Variants in EFHC2 observed in about 807,000 individuals in gnomAD.
EFHC2 encodes EF-hand domain containing 2, also known as EF-hand domain-containing family member C2.
Under a neutral mutation model 52.7 loss-of-function variants are expected in EFHC2, and 18 were observed. The observed-to-expected ratio is 0.34, with a 90% confidence interval of 0.24 to 0.51. The LOEUF (loss-of-function observed/expected upper bound fraction) is 0.51. Among genes scored for constraint, EFHC2 ranks in the 20% least tolerant of loss-of-function variants. The pLI is 0.97. For missense variants in EFHC2, 513 were observed against 562.5 expected (o/e 0.91, Z 0.89); for synonymous variants, 203 against 204.1 (o/e 0.99, Z 0.04).
chrX:44,293,677 C>G (rs539251421), intron 2 of EFHC2, among the ~76,000 whole-genome samples: 3 of 111,566 alleles, frequency 2.7e-5, no homozygotes, highest in African/African-American at 9.8e-5. Flanking sequence ...TTAATAACCT[C>G]TATACATCAC....
chrX:44,180,757 T>TAAA (rs35028791), intron 11 of EFHC2, among the ~76,000 whole-genome samples: 4 of 104,907 alleles, frequency 3.8e-5, no homozygotes, highest in East Asian at 5.9e-4. Flanking sequence ...AATAAATAAA[T>TAAA]AAAAATAAAA....
At chrX:44,161,403 G>A (rs1301436375) in intron 14 of EFHC2, among the ~76,000 whole-genome samples, 1 of 112,033 alleles carries the variant, frequency 8.9e-6, no homozygotes, top group East Asian at 2.8e-4. Flanking sequence ...GGCACATGAG[G>A]GTGGTTACCA....
chrX:44,273,700 C>A (rs764404601), intron 2 of EFHC2, among the ~76,000 whole-genome samples: 1 of 111,603 alleles, frequency 9.0e-6, no homozygotes, highest in South Asian at 3.7e-4. Context: ...ACACACTGAG[C>A]ACGACAAGGT....
intron 4 of EFHC2, among the ~76,000 whole-genome samples, chrX:44,260,766 T>C (rs1263395510): frequency 8.9e-6 from 1 of 112,149 alleles, no homozygotes; most frequent in Non-Finnish European, 1.9e-5. Flanking sequence ...ACAACTCATA[T>C]ACCATCAGTG....
At position 44,343,617 on chromosome X, in the gene EFHC2, C is replaced by A; in HGVS notation, c.-29G>T. 1 of 1,159,278 alleles carries A rather than the reference C, an allele frequency of 8.6e-7. No individual in the cohort carries two copies. The highest frequency in any genetic ancestry group is 1.1e-6 in the Non-Finnish European group (1 of 873,524). On this transcript the variant is annotated 5_prime_UTR_variant, in exon 1 of 15. Transcript: ENST00000420999. ...GCTCAGTGTCCGAAAATCCAGGGTC[C>A]CAGAAGAGAGGGCCCGGCAGGCAGC... is the stretch of plus-strand genomic sequence containing the variant.
chrX:44,342,872 T>C (rs2038159674), intron 1 of EFHC2, among the ~76,000 whole-genome samples: 1 of 31,845 alleles, frequency 3.1e-5, no homozygotes, highest in South Asian at 1.2e-3. Flanking sequence ...CGAGACTCCG[T>C]CTCAAAAAAA....
intron 13 of EFHC2, among the ~76,000 whole-genome samples, chrX:44,173,833 G>A (rs1379670541): frequency 1.8e-5 from 2 of 112,029 alleles, no homozygotes; most frequent in Non-Finnish European, 3.8e-5. Context: ...ATGAGAGGAT[G>A]ATGACTTGGT....
intron 2 of EFHC2, among the ~76,000 whole-genome samples, chrX:44,276,470 T>G (rs1386813459): frequency 1.8e-5 from 2 of 112,171 alleles, no homozygotes; most frequent in East Asian, 5.6e-4. Context: ...CTGAAATCAA[T>G]TAGCTTTAAA....
rs181287149 is a variant in EFHC2 at position 44,320,292 on chromosome X, C to T, written c.43-7536G>A. Among the ~76,000 whole-genome samples the T allele has an allele frequency of 4.3e-4, 48 of 111,650 alleles. No homozygotes were observed. The East Asian group carries it at 0.013, about 31-fold the overall frequency. Reference sequence around the variant, plus strand: ...TGGGAGGAGGGCAGGAATTAAGAGACAAAGAATAGTGATCCAGGAAGCAAT... The same window carrying T: ...TGGGAGGAGGGCAGGAATTAAGAGATAAAGAATAGTGATCCAGGAAGCAAT... On this transcript the variant is annotated intron_variant, in intron 1 of 14. Transcript: ENST00000420999.
chrX:44,242,361 G>A, intron 7 of EFHC2, 72 bp from the exon 8 acceptor site: 1 of 1,069,374 alleles, frequency 9.4e-7, no homozygotes, highest in Non-Finnish European at 1.3e-6. Flanking sequence ...TGAAAGGTTT[G>A]TTATGTTTTC....
At chrX:44,330,793 A>C (rs1216410172) in intron 1 of EFHC2, among the ~76,000 whole-genome samples, 1 of 112,533 alleles carries the variant, frequency 8.9e-6, no homozygotes, top group Non-Finnish European at 1.9e-5. Context: ...AAGATATTCA[A>C]TTAATTAACC....
chrX:44,164,419 C>G (rs755065094), intron 13 of EFHC2, among the ~76,000 whole-genome samples: 19 of 112,192 alleles, frequency 1.7e-4, no homozygotes, highest in South Asian at 7.3e-4. Context: ...CCTTATATTT[C>G]TTCAATTGCA....
At chrX:44,221,766 C>A (rs770815243) in intron 11 of EFHC2, among the ~76,000 whole-genome samples, 2 of 111,762 alleles carry the variant, frequency 1.8e-5, no homozygotes, top group Non-Finnish European at 3.8e-5. Flanking sequence ...ATATTGTCTT[C>A]CCATTCAGAG....
chrX:44,270,796 C>T (rs756877154), intron 3 of EFHC2, among the ~76,000 whole-genome samples: 2 of 110,901 alleles, frequency 1.8e-5, no homozygotes, highest in Non-Finnish European at 3.8e-5. Flanking sequence ...GGCTTATTGA[C>T]AAGCTACAGC....
At chrX:44,252,932 C>T (rs777373467) in intron 4 of EFHC2, among the ~76,000 whole-genome samples, 1 of 110,555 alleles carries the variant, frequency 9.0e-6, no homozygotes, top group Admixed American at 9.6e-5. Context: ...CTGAGGTATC[C>T]GGCTCATCTC....
At position 44,257,117 on chromosome X, in the gene EFHC2, C is replaced by T. The variant is rs767746374; in HGVS notation, c.606+3958G>A. ...TCAACACCCCTTCATGCTAAAAACTCTCCATAAACTAGGTATTGATGGAAC... is the reference window on the plus strand; with the variant it reads ...TCAACACCCCTTCATGCTAAAAACTTTCCATAAACTAGGTATTGATGGAAC... On this transcript the variant is annotated intron_variant, in intron 4 of 14. Coordinates refer to ENST00000420999, the MANE Select transcript of EFHC2 (RefSeq NM_025184.4). Among the ~76,000 whole-genome samples, 48 of 111,790 alleles carry T rather than the reference C, an allele frequency of 4.3e-4. 1 individual carries two copies. The highest frequency in any genetic ancestry group is 1.5e-3 in the African/African-American group (45 of 30,730).
At position 44,242,151 on chromosome X, in the gene EFHC2, C is replaced by T. The variant is rs868185723; in HGVS notation, c.1250G>A (p.Arg417Lys). ...CIDLKPTPHR[R>K]NFKKFMEKDS... ...TTTTTCCATAAACTTCTTGAAGTTCCTCCGATGAGGTGTGGGCTTGAGGTC... is the reference window on the plus strand; with the variant it reads ...TTTTTCCATAAACTTCTTGAAGTTCTTCCGATGAGGTGTGGGCTTGAGGTC... The change falls in exon 8 of 15, where the codon AGG becomes AAG. Residue 417 changes from arginine to lysine, a missense_variant. By Grantham distance (26) the Arg-to-Lys change is conservative. Coordinates refer to ENST00000420999, the MANE Select transcript of EFHC2 (RefSeq NM_025184.4). 6 of 1,194,668 alleles carry T rather than the reference C, an allele frequency of 5.0e-6. No individual in the cohort carries two copies. The highest frequency in any genetic ancestry group is 2.3e-5 in the Admixed American group (1 of 43,455).
intron 1 of EFHC2, among the ~76,000 whole-genome samples, chrX:44,320,115 G>T (rs1365759969): frequency 9.1e-6 from 1 of 110,438 alleles, no homozygotes; most frequent in Admixed American, 9.7e-5. Context: ...GCTAATTTTT[G>T]TATTTTTAGT....
At chrX:44,219,242 A>G (rs745908135) in intron 11 of EFHC2, among the ~76,000 whole-genome samples, 2 of 109,717 alleles carry the variant, frequency 1.8e-5, no homozygotes, top group Admixed American at 2.0e-4. Context: ...ACTAGGATGG[A>G]GCATGAGGGA....
Sources: allele counts gnomAD v4.1 joint callset (sites outside exome capture counted in the v4.1 genomes callset), GRCh38; gene constraint gnomAD v4.1.1; transcripts MANE v1.5; gene names NCBI Gene and HGNC (gene_info 2026-07-23, HGNC 2026-07-21).